CSMD2: variants seen among roughly 807,000 people sequenced by gnomAD.
CSMD2 encodes CUB and Sushi multiple domains 2.
In CSMD2, 130 loss-of-function variants were observed where a neutral mutation model predicts 398.5. The observed-to-expected ratio is 0.33, with a 90% confidence interval of 0.28 to 0.38. The LOEUF is 0.38. CSMD2 is among the 10% of genes least tolerant of loss of function. The probability of loss-of-function intolerance (pLI) is 1.00; values close to 1 mark genes in which losing one functional copy is unlikely to be tolerated. For missense variants in CSMD2, 3,829 were observed against 4,764.9 expected (o/e 0.80, Z 5.78); for synonymous variants, 1,828 against 1,908.5 (o/e 0.96, Z 1.10).
At chr1:33,835,828 A>G (rs2358513) in intron 6 of CSMD2, among the ~76,000 whole-genome samples, 119,400 of 151,974 alleles carry the variant, frequency 0.79, 47,757 homozygotes, top group East Asian at 0.94. Context: ...TTAGCTCATC[A>G]TAGTTTAATC....
At chr1:33,581,354 T>TTAAAAAAAAA (rs1553146953) in intron 47 of CSMD2, among the ~76,000 whole-genome samples, 2 of 84,218 alleles carry the variant, frequency 2.4e-5, no homozygotes, top group Admixed American at 1.5e-4. Context: ...CCATCTTTAC[T>TTAAAAAAAAA]AAAAAAAAAA....
intron 9 of CSMD2, chr1:33,813,080 C>T (rs1657038888): frequency 6.6e-6 from 1 of 152,200 alleles, no homozygotes; most frequent in Non-Finnish European, 1.5e-5. Flanking sequence ...TACACCTCTT[C>T]CGGAAAGTCA....
intron 37 of CSMD2, among the ~76,000 whole-genome samples, 197 bp from the exon 38 acceptor site, chr1:33,617,814 G>A (rs1056371127): frequency 8.5e-5 from 13 of 152,128 alleles, no homozygotes; most frequent in African/African-American, 2.7e-4. Flanking sequence ...TACATGGCAC[G>A]GAGGCTCAAC....
chr1:34,123,049 T>C (rs1662354355), intron 1 of CSMD2, among the ~76,000 whole-genome samples: 1 of 152,178 alleles, frequency 6.6e-6, no homozygotes, highest in Non-Finnish European at 1.5e-5. Flanking sequence ...TTTTTGTCTG[T>C]AGTTCCTGTA....
chr1:33,971,105 G>A (rs1389808696), intron 3 of CSMD2, among the ~76,000 whole-genome samples: 1 of 152,190 alleles, frequency 6.6e-6, no homozygotes, highest in Non-Finnish European at 1.5e-5. Context: ...CCCTTGCGGT[G>A]TCTGCCGGGA....
At position 33,524,868 on chromosome 1, in the gene CSMD2, G is replaced by T. The variant is rs199837901; in HGVS notation, c.10396+14C>A. On this transcript the variant is annotated intron_variant, in intron 66 of 70. Coordinates refer to ENST00000373381, the MANE Select transcript of CSMD2 (RefSeq NM_001281956.2). ...TCCATCCTCCCGGCTTTCATAGAGG[G>T]GCCTGCTCCTTACCAGCCAAGTGCA... is the stretch of plus-strand genomic sequence containing the variant. 467 of 1,613,294 alleles carry T rather than the reference G, an allele frequency of 2.9e-4. 4 individuals carry two copies. The African/African-American group carries it at 5.7e-3, about 20-fold the overall frequency.
chr1:33,649,087 CCT>C (rs1296515898), intron 28 of CSMD2, among the ~76,000 whole-genome samples: 3 of 152,038 alleles, frequency 2.0e-5, no homozygotes, highest in African/African-American at 7.3e-5. Context: ...TGAAGTCCCC[CCT>C]GTATGCCTGT....
chr1:34,145,426 C>T (rs903388402), intron 1 of CSMD2, among the ~76,000 whole-genome samples: 5 of 152,190 alleles, frequency 3.3e-5, no homozygotes, highest in Admixed American at 2.6e-4. Context: ...CTCTTGCTGC[C>T]TGGAGGGGTG....
At chr1:34,045,126 A>G (rs1652365152) in intron 2 of CSMD2, among the ~76,000 whole-genome samples, 1 of 151,976 alleles carries the variant, frequency 6.6e-6, no homozygotes, top group South Asian at 2.1e-4. Flanking sequence ...GCATTTCATC[A>G]AGAGCTTCTA....
In CSMD2 at chr1:34,086,020, GAAAA is replaced by G. The variant is rs146332740; in HGVS notation, c.404+2953_404+2956del. Among the ~76,000 whole-genome samples, 896 of 130,192 alleles carry G rather than the reference GAAAA, an allele frequency of 6.9e-3. 16 individuals carry two copies. Among genetic ancestry groups the G allele is most frequent in the African/African-American group, 0.024 (841 of 34,550 alleles). 85.4% of individuals were successfully genotyped at this position (130,192 alleles called of 152,430 possible). ...TGCAAATGAAATCTTAAGTTTCCTG[GAAAA>G]AAAAAAAAAAAGAAAGAAAGAAAAC... On this transcript the variant is annotated intron_variant, in intron 2 of 70. Transcript: ENST00000373381.
chr1:34,077,043 G>A (rs911300135), intron 2 of CSMD2, among the ~76,000 whole-genome samples: 1 of 148,922 alleles, frequency 6.7e-6, no homozygotes, highest in Non-Finnish European at 1.5e-5. Context: ...CAATCCAGGA[G>A]CAAGCAGCTG....
In CSMD2 at chr1:33,519,469, T is replaced by C; in HGVS notation, c.*49A>G. The C allele has an allele frequency of 6.3e-7, 1 of 1,589,886 alleles. No individual in the cohort carries two copies. On this transcript the variant is annotated 3_prime_UTR_variant, in exon 70 of 71. Coordinates refer to ENST00000373381, the MANE Select transcript of CSMD2 (RefSeq NM_001281956.2). This position sits in a 1 kb window ranked among gnomAD's most constrained non-coding sequence, Gnocchi z 5.6. ...TCCTCCCACACCCCTGCTCACCGGC[T>C]GCTGGAGGCGGGGCTCTCGGTGGCG...
At chr1:33,589,076 A>G (rs1192941484) in intron 44 of CSMD2, among the ~76,000 whole-genome samples, 4 of 152,246 alleles carry the variant, frequency 2.6e-5, no homozygotes, top group Non-Finnish European at 5.9e-5. Flanking sequence ...ACTCGCTGAA[A>G]TGTATCGTAC....
intron 3 of CSMD2, among the ~76,000 whole-genome samples, chr1:33,972,602 A>T (rs1645812083): frequency 6.6e-6 from 1 of 152,110 alleles, no homozygotes; most frequent in African/African-American, 2.4e-5. Context: ...GATCAGAGTG[A>T]CGGGAGGACG....
intron 3 of CSMD2, among the ~76,000 whole-genome samples, chr1:33,984,829 AG>A (rs1646294637): frequency 1.3e-5 from 2 of 148,756 alleles, no homozygotes; most frequent in African/African-American, 5.1e-5. Context: ...GGAGGGAAGG[AG>A]GGAAGGAGGA....
chr1:33,700,803 T>C (rs528169351), intron 22 of CSMD2, 130 bp from the exon 23 acceptor site: 1 of 860,372 alleles, frequency 1.2e-6, no homozygotes, highest in South Asian at 1.7e-5. Flanking sequence ...CAGTGAGTTA[T>C]CAGATGCAAG....
At chr1:33,768,792 T>C (rs1650885274) in intron 13 of CSMD2, among the ~76,000 whole-genome samples, 1 of 152,146 alleles carries the variant, frequency 6.6e-6, no homozygotes, top group South Asian at 2.1e-4. Flanking sequence ...TTTCCCTCCC[T>C]TGACCTCTCA....
At position 33,559,288 on chromosome 1, in the gene CSMD2, A is replaced by AGGGT; in HGVS notation, c.8554+8_8554+11dup. 6.5e-7 allele frequency: 1 copy of AGGGT among 1,534,094 alleles called. No homozygotes were observed. The highest frequency in any genetic ancestry group is 8.7e-7 in the Non-Finnish European group (1 of 1,146,478). On this transcript the variant is annotated intron_variant, in intron 54 of 70. Coordinates refer to ENST00000373381, the MANE Select transcript of CSMD2 (RefSeq NM_001281956.2). The surrounding 1 kb of genome is among the most constrained non-coding windows in gnomAD (Gnocchi z 4.0). ...TGGTGGGGACTGGATTGGGAGAGAA[A>AGGGT]GGGTGACTCACTTCTGCAGGTGGGC...
intron 5 of CSMD2, among the ~76,000 whole-genome samples, chr1:33,912,832 A>C (rs1291700154): frequency 6.6e-6 from 1 of 152,088 alleles, no homozygotes; most frequent in Non-Finnish European, 1.5e-5. Context: ...CTTTTTAGAC[A>C]GAGTCTTTCT....
Sources: gnomAD v4.1 joint callset for allele counts (sites outside exome capture counted in the v4.1 genomes callset) on GRCh38, gnomAD v4.1.1 for gene constraint, Gnocchi (gnomAD v3.1) non-coding constraint, MANE v1.5 for transcripts, NCBI Gene and HGNC (gene_info 2026-07-23, HGNC 2026-07-21) for gene names.